TAFA1: variants seen among roughly 807,000 people sequenced by gnomAD.
TAFA1 encodes TAFA chemokine like family member 1, also known as chemokine-like protein TAFA-1.
TAFA1 carries 4 observed loss-of-function variants against 18.5 expected under a neutral mutation model. The observed-to-expected ratio is 0.22, with a 90% CI of 0.11 to 0.49. The LOEUF (loss-of-function observed/expected upper bound fraction) is 0.49, where lower values mean the gene tolerates loss of function less well. Among genes scored for constraint, TAFA1 ranks in the 20% least tolerant of loss-of-function variants. The pLI, the probability that TAFA1 is intolerant of heterozygous loss-of-function variation, is 0.98. For synonymous variants in TAFA1, 56 were observed against 55.2 expected (o/e 1.01, Z -0.06); for missense variants, 147 against 169.0 (o/e 0.87, Z 0.72).
intron 2 of TAFA1, chr3:68,145,756 T>C (rs1036296730): frequency 3.4e-6 from 2 of 596,950 alleles, no homozygotes; most frequent in Non-Finnish European, 6.0e-6. Context: ...TACTATGTGA[T>C]AAAATACATA....
intron 2 of TAFA1, among the ~76,000 whole-genome samples, chr3:68,134,820 G>C (rs2106889345): frequency 6.6e-6 from 1 of 152,298 alleles, no homozygotes; most frequent in Non-Finnish European, 1.5e-5. Context: ...ACATGAATCA[G>C]TTCCCTTTTC....
chr3:68,537,971 G>T (rs2073302549), intron 3 of TAFA1, among the ~76,000 whole-genome samples: 1 of 152,144 alleles, frequency 6.6e-6, no homozygotes, highest in Admixed American at 6.5e-5. Context: ...AGTCTTCGAG[G>T]TTAGGATTTT....
At chr3:68,405,419 G>T (rs1396151051) in intron 2 of TAFA1, among the ~76,000 whole-genome samples, 2 of 151,788 alleles carry the variant, frequency 1.3e-5, no homozygotes, top group African/African-American at 4.8e-5. Context: ...AGGCTGAGGT[G>T]GGAGGATCAC....
intron 2 of TAFA1, among the ~76,000 whole-genome samples, chr3:68,209,861 G>GAAAATCA (rs1211928714): frequency 6.6e-6 from 1 of 151,884 alleles, no homozygotes; most frequent in Non-Finnish European, 1.5e-5. Flanking sequence ...GTCTCAGATT[G>GAAAATCA]AAAATCAAAA....
chr3:68,244,365 C>T (rs561111280), intron 2 of TAFA1, among the ~76,000 whole-genome samples: 204 of 151,462 alleles, frequency 1.3e-3, no homozygotes, highest in African/African-American at 4.8e-3. Flanking sequence ...TATTTTTTTT[C>T]TAGAGATTTT....
intron 2 of TAFA1, among the ~76,000 whole-genome samples, chr3:68,354,971 G>T (rs908673285): frequency 1.3e-5 from 2 of 151,922 alleles, no homozygotes; most frequent in African/African-American, 4.8e-5. Context: ...TGGAGGGGAC[G>T]CAAACATTCA....
intron 2 of TAFA1, among the ~76,000 whole-genome samples, chr3:68,173,793 C>A (rs956925765): frequency 5.9e-5 from 9 of 151,958 alleles, no homozygotes; most frequent in Non-Finnish European, 1.2e-4. Context: ...CCCTTCCCTT[C>A]CCTTCATTTT....
At chr3:68,296,281 C>T (rs760551031) in intron 2 of TAFA1, among the ~76,000 whole-genome samples, 2 of 152,146 alleles carry the variant, frequency 1.3e-5, no homozygotes, top group African/African-American at 2.4e-5. Flanking sequence ...TGTGACTTGT[C>T]TGTCCACATG....
At chr3:68,002,232 G>T (rs1034915120), upstream of TAFA1, among the ~76,000 whole-genome samples, 1 of 152,084 alleles carries the variant, frequency 6.6e-6, no homozygotes, top group Non-Finnish European at 1.5e-5. Context: ...GTATTTGGAA[G>T]AAAAAAATAG....
At chr3:68,313,701 T>C (rs1261795199) in intron 2 of TAFA1, among the ~76,000 whole-genome samples, 1 of 152,090 alleles carries the variant, frequency 6.6e-6, no homozygotes, top group African/African-American at 2.4e-5. Flanking sequence ...CTGAAAAGAG[T>C]ACAGAAAATA....
At chr3:68,500,604 A>G (rs543314313) in intron 3 of TAFA1, among the ~76,000 whole-genome samples, 3 of 152,206 alleles carry the variant, frequency 2.0e-5, no homozygotes, top group African/African-American at 7.2e-5. Flanking sequence ...ATTTGTTTAT[A>G]TATCATCTAT....
chr3:68,236,041 T>A (rs551141133), intron 2 of TAFA1, among the ~76,000 whole-genome samples: 4 of 152,302 alleles, frequency 2.6e-5, no homozygotes, highest in Non-Finnish European at 5.9e-5. Context: ...GAAGTCGCAA[T>A]TAACTTGTTT....
chr3:68,304,582 C>T (rs573730985), intron 2 of TAFA1, among the ~76,000 whole-genome samples: 2 of 152,222 alleles, frequency 1.3e-5, no homozygotes, highest in Admixed American at 6.5e-5. Flanking sequence ...ATAGCCATTC[C>T]TATGGTACCT....
intron 3 of TAFA1, among the ~76,000 whole-genome samples, chr3:68,518,345 C>T (rs1191425475): frequency 6.6e-6 from 1 of 152,132 alleles, no homozygotes; most frequent in Non-Finnish European, 1.5e-5. Flanking sequence ...TAAATTCTCC[C>T]TATGATTTCA....
At chr3:68,116,910 T>C (rs968737899) in intron 2 of TAFA1, among the ~76,000 whole-genome samples, 1 of 152,154 alleles carries the variant, frequency 6.6e-6, no homozygotes, top group Non-Finnish European at 1.5e-5. Context: ...ACCATGCAAG[T>C]TGAGTAGTTG....
intron 2 of TAFA1, among the ~76,000 whole-genome samples, chr3:68,203,776 C>G (rs572901287): frequency 1.8e-4 from 28 of 151,782 alleles, no homozygotes; most frequent in African/African-American, 6.8e-4. Context: ...AAGTTAGGCT[C>G]TAGGTAATGA....
intron 2 of TAFA1, among the ~76,000 whole-genome samples, chr3:68,087,832 C>G (rs1041140953): frequency 2.0e-5 from 3 of 151,932 alleles, no homozygotes; most frequent in Non-Finnish European, 4.4e-5. Flanking sequence ...TATATACGAT[C>G]TCTTACTATT....
At position 68,538,746 on chromosome 3, in the gene TAFA1, T is replaced by A; in HGVS notation, c.260-10T>A. 1 of 1,613,166 alleles carries A rather than the reference T, an allele frequency of 6.2e-7. No individual in the cohort carries two copies. The highest frequency in any genetic ancestry group is 8.5e-7 in the Non-Finnish European group (1 of 1,179,494). ...AATTGCAAACACAGTTGTTTCCTGTTTCTGCACAGCCTCCATAGTGATTGG... is the reference window on the plus strand; with the variant it reads ...AATTGCAAACACAGTTGTTTCCTGTATCTGCACAGCCTCCATAGTGATTGG... On this transcript the variant is annotated splice_polypyrimidine_tract_variant and intron_variant, in intron 3 of 4. Coordinates refer to ENST00000478136, the MANE Select transcript of TAFA1 (RefSeq NM_213609.4).
intron 2 of TAFA1, among the ~76,000 whole-genome samples, chr3:68,301,868 T>A (rs1284529324): frequency 6.6e-6 from 1 of 152,212 alleles, no homozygotes; most frequent in East Asian, 1.9e-4. Flanking sequence ...ATTGATTGAA[T>A]GTACATATTT....
Sources: allele counts gnomAD v4.1 joint callset (sites outside exome capture counted in the v4.1 genomes callset), GRCh38; gene constraint gnomAD v4.1.1; transcripts MANE v1.5; gene names NCBI Gene and HGNC (gene_info 2026-07-23, HGNC 2026-07-21).